HDAC4: variants seen among roughly 807,000 people sequenced by gnomAD.
The protein encoded by HDAC4 is histone deacetylase A.
A neutral mutation model predicts 135.1 loss-of-function variants in HDAC4; 16 were observed. The ratio of observed to expected loss-of-function variants is 0.12; its 90% CI spans 0.08 to 0.18. HDAC4 has a LOEUF of 0.18. Ranked by LOEUF, HDAC4 falls within the 10% of genes least tolerant of loss-of-function variation. The pLI is 1.00. For synonymous variants in HDAC4, 685 were observed against 653.4 expected, an observed-to-expected ratio of 1.05 and a Z score of -0.74; for missense variants, 1,143 against 1,511.8, an observed-to-expected ratio of 0.76 and a Z score of 4.05.
At chr2:239,366,785 C>G (rs1330720863) in intron 1 of HDAC4, among the ~76,000 whole-genome samples, 1 of 149,810 alleles carries the variant, frequency 6.7e-6, no homozygotes, top group Non-Finnish European at 1.5e-5. Context: ...CAGATGGCTG[C>G]AACCCCACGA....
At chr2:239,086,375 C>A (rs887159781) in intron 19 of HDAC4, among the ~76,000 whole-genome samples, 5 of 149,946 alleles carry the variant, frequency 3.3e-5, no homozygotes, top group Admixed American at 2.0e-4. Flanking sequence ...GAAGGAGAAT[C>A]TGCTCTAACA....
At chr2:239,061,407 C>T (rs1184892739) in intron 24 of HDAC4, among the ~76,000 whole-genome samples, 1 of 145,902 alleles carries the variant, frequency 6.9e-6, no homozygotes, top group Non-Finnish European at 1.5e-5. Context: ...TGTGCATGCA[C>T]AAGAGGGTGT....
intron 2 of HDAC4, among the ~76,000 whole-genome samples, chr2:239,250,868 G>A (rs1228253912): frequency 6.6e-6 from 1 of 152,186 alleles, no homozygotes; most frequent in Non-Finnish European, 1.5e-5. Context: ...GATGGGACTC[G>A]GGGGCGGTTT....
intron 2 of HDAC4, among the ~76,000 whole-genome samples, chr2:239,270,874 A>T (rs1015457351): frequency 6.6e-6 from 1 of 152,202 alleles, no homozygotes; most frequent in African/African-American, 2.4e-5. Context: ...TAAATTATAC[A>T]CTGGTAGGCT....
intron 5 of HDAC4, among the ~76,000 whole-genome samples, chr2:239,164,737 T>A (rs533349904): frequency 1.4e-4 from 21 of 152,348 alleles, no homozygotes; most frequent in African/African-American, 5.1e-4. Context: ...GAGTGAAGCA[T>A]GTTTACAAAA....
At chr2:239,063,573 CT>C (rs2033088820) in intron 24 of HDAC4, among the ~76,000 whole-genome samples, 1 of 152,180 alleles carries the variant, frequency 6.6e-6, no homozygotes. Context: ...GCGCCCACCC[CT>C]CAGAAGATCC....
At chr2:239,126,391 C>T in intron 12 of HDAC4, 65 bp downstream of exon 12, 1 of 1,610,332 alleles carries the variant, frequency 6.2e-7, no homozygotes, top group Non-Finnish European at 8.5e-7. Flanking sequence ...GTGCTGAAGC[C>T]TGAGGCTGAA....
intron 24 of HDAC4, among the ~76,000 whole-genome samples, chr2:239,057,020 G>A (rs1015865449): frequency 5.3e-4 from 81 of 152,232 alleles, no homozygotes; most frequent in African/African-American, 1.9e-3. Flanking sequence ...TCCTGGACGG[G>A]ACCCTAAAAT....
At chr2:239,230,012 T>A (rs2047448749) in intron 3 of HDAC4, among the ~76,000 whole-genome samples, 1 of 152,156 alleles carries the variant, frequency 6.6e-6, no homozygotes, top group African/African-American at 2.4e-5. Flanking sequence ...TTTTATTTCC[T>A]GCAGGGCCTG....
chr2:239,244,790 C>A (rs925182761), intron 2 of HDAC4, among the ~76,000 whole-genome samples: 2 of 152,182 alleles, frequency 1.3e-5, no homozygotes, highest in African/African-American at 4.8e-5. Context: ...GTGACCCCAG[C>A]AGCCCATCCT....
chr2:239,382,302 AT>A (rs1465346725), intron 1 of HDAC4, among the ~76,000 whole-genome samples: 1 of 152,220 alleles, frequency 6.6e-6, no homozygotes, highest in Admixed American at 6.5e-5. Context: ...GTCTTTTATT[AT>A]CAAAGCAATC....
intron 2 of HDAC4, among the ~76,000 whole-genome samples, chr2:239,327,651 G>C (rs1359812604): frequency 6.6e-6 from 1 of 152,218 alleles, no homozygotes; most frequent in Admixed American, 6.5e-5. Context: ...CTTGGCCCGG[G>C]ACTGCCCTTC....
At chr2:239,373,644 G>T (rs1202084697) in intron 1 of HDAC4, among the ~76,000 whole-genome samples, 1 of 151,974 alleles carries the variant, frequency 6.6e-6, no homozygotes, top group Admixed American at 6.6e-5. Context: ...TTGTATTTTT[G>T]GTAGAGATGG....
At position 239,319,359 on chromosome 2, in the gene HDAC4, G is replaced by A. The variant is rs533501493; in HGVS notation, c.22+33319C>T. ...CAATTCTGCAAATGATTAAGAAAAC[G>A]AAACCAACAACAAACATAAAAATGG... On this transcript the variant is annotated intron_variant, in intron 2 of 26. Coordinates refer to ENST00000543185, the MANE Select transcript of HDAC4 (RefSeq NM_001378414.1). Among the ~76,000 whole-genome samples, 9 of 152,318 alleles carry A rather than the reference G, an allele frequency of 5.9e-5. No individual in the cohort carries two copies. The East Asian group carries it at 1.3e-3, about 23-fold the overall frequency.
chr2:239,229,964 C>G (rs2153157892), intron 3 of HDAC4, among the ~76,000 whole-genome samples: 1 of 152,264 alleles, frequency 6.6e-6, no homozygotes, highest in East Asian at 1.9e-4. Flanking sequence ...TATAGCCACT[C>G]AAAATAGGTG....
chr2:239,061,119 G>A (rs915418140), intron 24 of HDAC4, among the ~76,000 whole-genome samples: 9 of 151,002 alleles, frequency 6.0e-5, no homozygotes, highest in African/African-American at 1.4e-4. Flanking sequence ...CCGTTGGCAC[G>A]GGGGGAGTGT....
At chr2:239,094,125 G>A (rs1009699739) in intron 17 of HDAC4, 5 of 985,392 alleles carry the variant, frequency 5.1e-6, no homozygotes, top group Non-Finnish European at 6.0e-6. Flanking sequence ...GCTGTCCACC[G>A]GCTCCCGTCC....
chr2:239,125,524 G>A (rs916496010), intron 12 of HDAC4, among the ~76,000 whole-genome samples: 2 of 152,194 alleles, frequency 1.3e-5, no homozygotes, highest in African/African-American at 4.8e-5. Flanking sequence ...GCCTGAAACA[G>A]GGACTCAGGT....
rs547146097 is a variant in HDAC4, at chr2:239,289,741, C to T, written c.23-53077G>A. On this transcript the variant is annotated intron_variant, in intron 2 of 26. Coordinates refer to ENST00000543185, the MANE Select transcript of HDAC4 (RefSeq NM_001378414.1). ...AGCAGAGAGCACCCCCCAAAGTCCCCGCCTGATGGGGCACCAGAGCTCTGC... is the reference window on the plus strand; with the variant it reads ...AGCAGAGAGCACCCCCCAAAGTCCCTGCCTGATGGGGCACCAGAGCTCTGC... Among the ~76,000 whole-genome samples, 4 of 152,374 alleles carry T rather than the reference C, an allele frequency of 2.6e-5. No individual in the cohort carries two copies. The East Asian group carries it at 5.8e-4, about 22-fold the overall frequency.
Sources: gnomAD v4.1 joint callset for allele counts (sites outside exome capture counted in the v4.1 genomes callset) on GRCh38, gnomAD v4.1.1 for gene constraint, MANE v1.5 for transcripts, NCBI Gene and HGNC (gene_info 2026-07-23, HGNC 2026-07-21) for gene names.